MGMT: variants seen among roughly 807,000 people sequenced by gnomAD.
The protein encoded by MGMT is methylated-DNA--protein-cysteine methyltransferase.
In MGMT, 14 loss-of-function variants were observed where a neutral mutation model predicts 15.9. The ratio of observed to expected loss-of-function variants is 0.88; its 90% CI spans 0.58 to 1.37. The LOEUF (loss-of-function observed/expected upper bound fraction) is 1.37. MGMT is among the 40% of genes most tolerant of loss of function. The probability of loss-of-function intolerance (pLI) is 0.00; values close to 1 mark genes in which losing one functional copy is unlikely to be tolerated. For synonymous variants in MGMT, 130 were observed against 118.2 expected (o/e 1.10, Z -0.65); for missense variants, 282 against 268.1 (o/e 1.05, Z -0.36).
intron 2 of MGMT, chr10:129,694,178 T>G (rs1315408949): frequency 6.6e-6 from 1 of 152,242 alleles, no homozygotes; most frequent in Non-Finnish European, 1.5e-5. Context: ...GCTCCCTGTC[T>G]TTCACCTCTG....
At chr10:129,643,843 T>C (rs1330049075) in intron 2 of MGMT, among the ~76,000 whole-genome samples, 1 of 152,202 alleles carries the variant, frequency 6.6e-6, no homozygotes, top group Non-Finnish European at 1.5e-5. Flanking sequence ...TTTTGAGAAA[T>C]TCGACAGAGT....
At chr10:129,700,294 T>C (rs1201340580) in intron 2 of MGMT, 4 of 152,230 alleles carry the variant, frequency 2.6e-5, no homozygotes, top group Non-Finnish European at 5.9e-5. Context: ...ATCAGCACTT[T>C]TAATTTTCCG....
chr10:129,721,074 T>G (rs1038052347), intron 3 of MGMT, among the ~76,000 whole-genome samples: 2 of 152,180 alleles, frequency 1.3e-5, no homozygotes, highest in South Asian at 4.1e-4. Context: ...GTTGATAGTT[T>G]CGTTATTATG....
chr10:129,498,117 G>A (rs752586251), intron 1 of MGMT, among the ~76,000 whole-genome samples: 1 of 152,238 alleles, frequency 6.6e-6, no homozygotes, highest in African/African-American at 2.4e-5. Flanking sequence ...GTTTGCTGAT[G>A]TTGTCTCACA....
intron 1 of MGMT, among the ~76,000 whole-genome samples, chr10:129,468,717 T>G (rs1845198423): frequency 6.6e-6 from 1 of 152,030 alleles, no homozygotes; most frequent in South Asian, 2.1e-4. Context: ...AAACCCAGTT[T>G]CTACTAAAAA....
At chr10:129,734,036 G>A (rs1036245310) in intron 3 of MGMT, among the ~76,000 whole-genome samples, 12 of 151,330 alleles carry the variant, frequency 7.9e-5, no homozygotes, top group African/African-American at 2.4e-4. Context: ...TTGACTTGGC[G>A]ATGCGGGCTC....
chr10:129,691,343 G>A (rs1847967319), intron 2 of MGMT, among the ~76,000 whole-genome samples: 1 of 152,232 alleles, frequency 6.6e-6, no homozygotes, highest in Non-Finnish European at 1.5e-5. Flanking sequence ...GTGAGTGGAA[G>A]CAAGAAGAGG....
chr10:129,474,452 A>C (rs1023777517), intron 1 of MGMT, among the ~76,000 whole-genome samples: 2 of 152,120 alleles, frequency 1.3e-5, no homozygotes, highest in African/African-American at 4.8e-5. Flanking sequence ...CGCTTTTCTT[A>C]TTGAGAGAGA....
chr10:129,470,510 GAA>G (rs1299975014), intron 1 of MGMT, among the ~76,000 whole-genome samples: 1 of 152,206 alleles, frequency 6.6e-6, no homozygotes, highest in Admixed American at 6.5e-5. Flanking sequence ...AGTGATTTAT[GAA>G]GAGGAAGAAA....
At chr10:129,690,356 A>G (rs757290650) in intron 2 of MGMT, among the ~76,000 whole-genome samples, 1 of 152,142 alleles carries the variant, frequency 6.6e-6, no homozygotes, top group Non-Finnish European at 1.5e-5. Flanking sequence ...GTTTGCCCCC[A>G]CCTTCCTTCC....
intron 2 of MGMT, chr10:129,564,221 C>T (rs1846315884): frequency 1.2e-5 from 1 of 81,722 alleles, no homozygotes; most frequent in Non-Finnish European, 2.4e-5. Context: ...CCCCCTCCTT[C>T]CCCCTTCCCC....
chr10:129,756,005 G>T (rs1157179704), intron 3 of MGMT, among the ~76,000 whole-genome samples: 1 of 152,214 alleles, frequency 6.6e-6, no homozygotes, highest in Non-Finnish European at 1.5e-5. Flanking sequence ...TCCACTCCAT[G>T]GCGTGGCATG....
intron 3 of MGMT, among the ~76,000 whole-genome samples, chr10:129,719,372 C>G (rs1848341058): frequency 6.6e-6 from 1 of 152,230 alleles, no homozygotes; most frequent in South Asian, 2.1e-4. Flanking sequence ...GCTGGGGCAA[C>G]CTCGGGAAAC....
chr10:129,664,379 T>TAG (rs1847633841), intron 2 of MGMT, among the ~76,000 whole-genome samples: 1 of 152,218 alleles, frequency 6.6e-6, no homozygotes, highest in Non-Finnish European at 1.5e-5. Flanking sequence ...GTGTTGATGT[T>TAG]TGGGAGAACC....
At chr10:129,628,761 C>T (rs1056258714) in intron 2 of MGMT, among the ~76,000 whole-genome samples, 1 of 152,222 alleles carries the variant, frequency 6.6e-6, no homozygotes, top group Non-Finnish European at 1.5e-5. Context: ...AAAGCTGGCC[C>T]TCACGGGGCT....
chr10:129,528,345 A>AGT (rs35786648), intron 1 of MGMT, among the ~76,000 whole-genome samples: 37,396 of 151,618 alleles, frequency 0.25, 5,520 homozygotes, highest in African/African-American at 0.42. Context: ...GGAGAGCTGC[A>AGT]GTGTAGTGGC....
chr10:129,572,435 T>C (rs1846430582), intron 2 of MGMT, among the ~76,000 whole-genome samples: 1 of 152,238 alleles, frequency 6.6e-6, no homozygotes, highest in Non-Finnish European at 1.5e-5. Context: ...AGTTTTAATT[T>C]GCCTTAACAG....
At chr10:129,651,843 G>C (rs1204290346) in intron 2 of MGMT, among the ~76,000 whole-genome samples, 1 of 152,184 alleles carries the variant, frequency 6.6e-6, no homozygotes, top group African/African-American at 2.4e-5. Context: ...AAAGAAAAAA[G>C]ATATCTTAAT....
chr10:129,749,115 CT>C (rs1339168358), intron 3 of MGMT, among the ~76,000 whole-genome samples: 1 of 152,194 alleles, frequency 6.6e-6, no homozygotes. Flanking sequence ...CCAGGATCCC[CT>C]GATCTCCTAA....
Sources: allele counts gnomAD v4.1 joint callset (sites outside exome capture counted in the v4.1 genomes callset), GRCh38; gene constraint gnomAD v4.1.1; transcripts MANE v1.5; gene names NCBI Gene and HGNC (gene_info 2026-07-23, HGNC 2026-07-21).